Variants in CADPS2 observed in about 807,000 individuals in gnomAD.
CADPS2 encodes the protein calcium-dependent secretion activator 2.
A neutral mutation model predicts 172.5 loss-of-function variants in CADPS2; 93 were observed. That is an observed-to-expected ratio of 0.54 (90% CI 0.46 to 0.64). The LOEUF (loss-of-function observed/expected upper bound fraction) is 0.64. Among genes scored for constraint, CADPS2 ranks in the 30% least tolerant of loss-of-function variants. The pLI is 0.00. For missense variants in CADPS2, 1,420 were observed against 1,565.9 expected (o/e 0.91, Z 1.57); for synonymous variants, 546 against 555.2 (o/e 0.98, Z 0.23).
chr7:122,594,803 T>C (rs542761147), intron 6 of CADPS2, among the ~76,000 whole-genome samples: 13 of 151,860 alleles, frequency 8.6e-5, no homozygotes, highest in South Asian at 2.1e-4. Context: ...CCAAGTAAAA[T>C]TGTAATCCAA....
At chr7:122,676,185 A>G (rs2082361978) in intron 2 of CADPS2, among the ~76,000 whole-genome samples, 1 of 152,196 alleles carries the variant, frequency 6.6e-6, no homozygotes. Context: ...TAAAAAATGA[A>G]TAGGTTCCTG....
At chr7:122,652,560 T>G (rs935265281) in intron 3 of CADPS2, among the ~76,000 whole-genome samples, 5 of 152,210 alleles carry the variant, frequency 3.3e-5, no homozygotes, top group Non-Finnish European at 7.4e-5. Context: ...CACTGACAGA[T>G]TATTCTTCCT....
chr7:122,593,296 A>G (rs1206723896), intron 6 of CADPS2, among the ~76,000 whole-genome samples: 1 of 152,062 alleles, frequency 6.6e-6, no homozygotes, highest in Non-Finnish European at 1.5e-5. Context: ...AGTTTCACAT[A>G]AACATTGTGG....
At chr7:122,640,729 A>G (rs1402421280) in intron 3 of CADPS2, among the ~76,000 whole-genome samples, 1 of 152,170 alleles carries the variant, frequency 6.6e-6, no homozygotes, top group Non-Finnish European at 1.5e-5. Flanking sequence ...CAGGAGATCA[A>G]GACCATCCTG....
At chr7:122,696,517 A>T (rs200673307) in intron 2 of CADPS2, among the ~76,000 whole-genome samples, 67 of 420 alleles carry the variant, frequency 0.16, 1 homozygote, top group African/African-American at 0.31. Context: ...ATGGTCATGG[A>T]AGCAGTTATA....
chr7:122,373,005 T>C (rs997189355), intron 25 of CADPS2, among the ~76,000 whole-genome samples: 2 of 152,180 alleles, frequency 1.3e-5, no homozygotes, highest in East Asian at 1.9e-4. Context: ...TCACAATATA[T>C]AATTTTATGC....
Position 122,663,600 on chromosome 7 carries a change from AAAAC to A in CADPS2, c.454-35_454-32del. The A allele has an allele frequency of 2.7e-6, 4 of 1,505,858 alleles. No individual in the cohort carries two copies. In the South Asian group the frequency reaches 5.0e-5, roughly 19 times the overall value. The allele number at this position is 1,505,858 out of a possible 1,614,324, so 93.3% of individuals were successfully genotyped here. On this transcript the variant is annotated intron_variant, in intron 2 of 29. Coordinates refer to ENST00000449022, the MANE Select transcript of CADPS2 (RefSeq NM_017954.11). ...AACAAAACAAAACAAAACAAAACAA[AAAAC>A]AATTACAATTAGGTGTAGATGCTAA...
At chr7:122,455,923 G>T (rs35710523) in intron 14 of CADPS2, among the ~76,000 whole-genome samples, 6,654 of 151,956 alleles carry the variant, frequency 0.044, 258 homozygotes, top group Non-Finnish European at 0.062. Flanking sequence ...GGCTGGTCTC[G>T]AACTCCTGGC....
At chr7:122,451,343 G>T (rs1038902209) in intron 15 of CADPS2, 31 bp downstream of exon 15, 2 of 1,157,488 alleles carry the variant, frequency 1.7e-6, no homozygotes, top group Non-Finnish European at 2.4e-6. Flanking sequence ...AGTATGAAAA[G>T]AAATATTTAT....
At chr7:122,667,913 A>G (rs754665199) in intron 2 of CADPS2, among the ~76,000 whole-genome samples, 8 of 151,864 alleles carry the variant, frequency 5.3e-5, no homozygotes, top group Non-Finnish European at 1.2e-4. Flanking sequence ...GACATTCACT[A>G]TAAGAGTGGG....
At chr7:122,452,020 G>A (rs1248688331) in intron 14 of CADPS2, among the ~76,000 whole-genome samples, 1 of 152,034 alleles carries the variant, frequency 6.6e-6, no homozygotes, top group Admixed American at 6.6e-5. Context: ...AAATATACAG[G>A]GAAGAGAGCA....
At chr7:122,789,779 T>C (rs1030013308) in intron 1 of CADPS2, among the ~76,000 whole-genome samples, 3 of 152,102 alleles carry the variant, frequency 2.0e-5, no homozygotes, top group African/African-American at 7.2e-5. Context: ...AAATAAAACA[T>C]AACACACTGT....
intron 7 of CADPS2, among the ~76,000 whole-genome samples, chr7:122,574,100 T>G (rs1421990941): frequency 2.6e-5 from 4 of 151,752 alleles, no homozygotes; most frequent in Non-Finnish European, 4.4e-5. Context: ...GCAAAATGAG[T>G]AAATATATTG....
chr7:122,758,640 A>C (rs2093262498), intron 1 of CADPS2, among the ~76,000 whole-genome samples: 1 of 152,184 alleles, frequency 6.6e-6, no homozygotes. Context: ...AAAGACATAG[A>C]GCAAAAGCTT....
chr7:122,416,150 C>T lies in CADPS2; in HGVS notation c.2491G>A (p.Ala831Thr). Residue 831 changes from alanine (A) to threonine (T), a missense_variant, in exon 18 of 30, where the codon GCA (alanine) becomes ACA (threonine). Physicochemically the swap from Ala to Thr is moderately conservative, Grantham distance 58. Coordinates refer to ENST00000449022, the MANE Select transcript of CADPS2 (RefSeq NM_017954.11). ...TCTTCCAGCTTTCTAGCAGGAGATG[C>T]CTGGTTCATGGTCTCTATATGAAAA... Reference protein sequence around the residue: ...YAKIEETMNQASPARKLEEIL... With the variant: ...YAKIEETMNQTSPARKLEEIL... The T allele has an allele frequency of 6.5e-7, 1 of 1,544,972 alleles. No homozygotes were observed. Among genetic ancestry groups the T allele is most frequent in the Non-Finnish European group, 8.8e-7 (1 of 1,139,864 alleles).
intron 1 of CADPS2, among the ~76,000 whole-genome samples, chr7:122,845,073 T>A (rs1449238262): frequency 6.6e-6 from 1 of 152,060 alleles, no homozygotes; most frequent in African/African-American, 2.4e-5. Context: ...GCCAAATAAA[T>A]AACCTACATT....
intron 1 of CADPS2, among the ~76,000 whole-genome samples, chr7:122,759,286 G>A (rs976208164): frequency 6.6e-6 from 1 of 152,092 alleles, no homozygotes; most frequent in Non-Finnish European, 1.5e-5. Context: ...AACAGTTATT[G>A]TATCAAAAAG....
At chr7:122,554,472 TCTCA>T in intron 8 of CADPS2, 74 bp downstream of exon 8, 1 of 1,372,826 alleles carries the variant, frequency 7.3e-7, no homozygotes, top group South Asian at 1.5e-5. Flanking sequence ...ATACTGGTTC[TCTCA>T]CTAAACTGAC....
intron 2 of CADPS2, chr7:122,701,729 G>A: frequency 1.4e-6 from 1 of 733,038 alleles, no homozygotes; most frequent in South Asian, 2.2e-5. Flanking sequence ...TACTTGGGTA[G>A]AGAAGCTGAA....
Sources: gnomAD v4.1 joint callset for allele counts (sites outside exome capture counted in the v4.1 genomes callset) on GRCh38, gnomAD v4.1.1 for gene constraint, MANE v1.5 for transcripts, NCBI Gene and HGNC (gene_info 2026-07-23, HGNC 2026-07-21) for gene names.